The following WDR59 variants were observed in gnomAD, a reference collection of about 807,000 sequenced individuals.
WDR59 encodes the protein WD repeat domain 59, also known as GATOR2 complex protein WDR59.
Under a neutral mutation model 131.2 loss-of-function variants are expected in WDR59, and 100 were observed. The ratio of observed to expected loss-of-function variants is 0.76; its 90% CI spans 0.65 to 0.90. The LOEUF (loss-of-function observed/expected upper bound fraction) is 0.90. Ranked by LOEUF, WDR59 falls within the 40% of genes least tolerant of loss-of-function variation. WDR59 has a pLI of 0.00. For missense variants in WDR59, 1,203 were observed against 1,262.2 expected (o/e 0.95, Z 0.71); for synonymous variants, 601 against 466.2 (o/e 1.29, Z -3.72).
Position 74,874,305 on chromosome 16 carries a change from G to A in WDR59, c.2829C>T (p.His943=), listed in dbSNP as rs778469404. 3.1e-5 allele frequency: 50 copies of A among 1,613,974 alleles called. No individual in the cohort carries two copies. Among genetic ancestry groups the A allele is most frequent in the African/African-American group, 5.3e-5 (4 of 74,940 alleles). Residue 943 remains histidine, a synonymous_variant, in exon 26 of 26, where the codon CAC becomes CAT. Coordinates refer to ENST00000262144, the MANE Select transcript of WDR59 (RefSeq NM_030581.4). ...GSSNFCLTCG[H]GGHTSHMMEW... ...CCATCATGTGGCTGGTGTGGCCACC[G>A]TGCCCACAGGTCAGGCAGAAATTGG...
At chr16:74,921,841 C>T in intron 10 of WDR59, 106 bp downstream of exon 10, 1 of 1,406,612 alleles carries the variant, frequency 7.1e-7, no homozygotes. Flanking sequence ...GTTCCTAAAG[C>T]CCAGCTCTCT....
intron 25 of WDR59, among the ~76,000 whole-genome samples, chr16:74,879,121 G>A (rs557960243): frequency 6.6e-6 from 1 of 152,232 alleles, no homozygotes; most frequent in Non-Finnish European, 1.5e-5. Flanking sequence ...GTGAGGCCGA[G>A]GTGGGGGTAT....
Position 74,981,635 on chromosome 16 carries a change from TATATATATATATA to T in WDR59, c.54+3316_54+3328del, listed in dbSNP as rs2034416463. ...TTACATATATATATATATATATATA[TATATATATATATA>T]TATATATATATATTTTTTTTTTTTT... On this transcript the variant is annotated intron_variant, in intron 1 of 25. Coordinates refer to ENST00000262144, the MANE Select transcript of WDR59 (RefSeq NM_030581.4). 6.7e-3 allele frequency among the ~76,000 whole-genome samples: 172 copies of T among 25,750 alleles called. 8 individuals are homozygous for T. Among genetic ancestry groups the T allele is most frequent in the African/African-American group, 0.026 (161 of 6,232 alleles). The allele number at this position is 25,750 out of a possible 152,430, so 16.9% of individuals were successfully genotyped here.
At chr16:74,928,766 G>C (rs116010716) in intron 8 of WDR59, among the ~76,000 whole-genome samples, 1 of 151,936 alleles carries the variant, frequency 6.6e-6, no homozygotes. Flanking sequence ...AAAATAATCC[G>C]GGTGTGGTGG....
rs772568963 is a variant in WDR59, at chr16:74,948,532, T to G, written c.432A>C (p.Ala144=). The change falls in exon 6 of 26, where the codon GCA becomes GCC. Residue 144 remains alanine, a synonymous_variant. Coordinates refer to ENST00000262144, the MANE Select transcript of WDR59 (RefSeq NM_030581.4). ...DIKDTRKPTV[A]LSAVAGASQV... ...GCATACACTCACCAACAGCAGACAG[T>G]GCAACAGTAGGTTTCCTTGTGTCTC... The G allele has an allele frequency of 6.2e-7, 1 of 1,613,832 alleles. No individual in the cohort carries two copies. The highest frequency in any genetic ancestry group is 8.5e-7 in the Non-Finnish European group (1 of 1,179,840).
chr16:74,945,209 G>T (rs894282019), intron 6 of WDR59, among the ~76,000 whole-genome samples: 6 of 152,134 alleles, frequency 3.9e-5, no homozygotes, highest in African/African-American at 1.4e-4. Context: ...GGGCGAAGAG[G>T]CTCACGCCTG....
intron 21 of WDR59, among the ~76,000 whole-genome samples, chr16:74,888,705 G>A (rs896029928): frequency 6.6e-6 from 1 of 152,062 alleles, no homozygotes; most frequent in Non-Finnish European, 1.5e-5. Flanking sequence ...GCTTTTGGGG[G>A]ATTCCCACAC....
chr16:74,878,736 T>C (rs72796687), intron 25 of WDR59, among the ~76,000 whole-genome samples: 10,313 of 152,242 alleles, frequency 0.068, 397 homozygotes, highest in South Asian at 0.092. Flanking sequence ...TTTTACGGGA[T>C]GAATTAAAAG....
At chr16:74,897,865 G>C (rs1052913226) in intron 18 of WDR59, among the ~76,000 whole-genome samples, 6 of 152,116 alleles carry the variant, frequency 3.9e-5, no homozygotes, top group Admixed American at 3.3e-4. Flanking sequence ...TCCCCTTCAG[G>C]CTTCAGGGGT....
chr16:74,873,696 C>T lies in WDR59; in HGVS notation c.*513G>A. 6.6e-6 allele frequency: 1 copy of T among 152,206 alleles called. No individual in the cohort carries two copies. The highest frequency in any genetic ancestry group is 2.1e-4 in the South Asian group (1 of 4,820). The allele number at this position is 152,206 out of a possible 1,614,324, so 9.4% of individuals were successfully genotyped here. A position where few individuals can be genotyped will look rare whatever the true frequency, so the allele number is the denominator to read the frequency against. On this transcript the variant is annotated 3_prime_UTR_variant, in exon 26 of 26. Coordinates refer to ENST00000262144, the MANE Select transcript of WDR59 (RefSeq NM_030581.4). ...AATCCTTAAGTACAGTGCATATTTA[C>T]AATTTAAGTGTCATATTTTAGAAGG...
In WDR59 at chr16:74,885,742, C is replaced by T; in HGVS notation, c.2600G>A (p.Gly867Glu). ...QQFDDFKKCY[G>E]EILYRWGLRE... ...CAGACCCCAACGGTAGAGGATTTCCCCATAGCATTTCTTAAAGTCATCAAA... is the reference window on the plus strand; with the variant it reads ...CAGACCCCAACGGTAGAGGATTTCCTCATAGCATTTCTTAAAGTCATCAAA... Residue 867 changes from glycine to glutamate, a missense_variant, in exon 25 of 26, where the codon GGG becomes GAG. Transcript: ENST00000262144. 6.2e-7 allele frequency: 1 copy of T among 1,614,110 alleles called. No individual in the cohort carries two copies. The highest frequency in any genetic ancestry group is 8.5e-7 in the Non-Finnish European group (1 of 1,180,022).
chr16:74,930,878 G>A (rs573116529), intron 8 of WDR59: 13 of 108,694 alleles, frequency 1.2e-4, no homozygotes, highest in Admixed American at 9.4e-4. Flanking sequence ...GGATGACAGA[G>A]AGAGACTCCA....
intron 8 of WDR59, among the ~76,000 whole-genome samples, chr16:74,933,206 T>C (rs1185870324): frequency 4.6e-5 from 7 of 152,116 alleles, no homozygotes; most frequent in Non-Finnish European, 8.8e-5. Flanking sequence ...GAGGCTGAGG[T>C]GGGAGGATCA....
At chr16:74,928,029 T>G (rs1318873760) in intron 8 of WDR59, among the ~76,000 whole-genome samples, 2 of 148,478 alleles carry the variant, frequency 1.3e-5, no homozygotes, top group Admixed American at 1.4e-4. Context: ...TGCCTCAGCC[T>G]CCCGAGTAGC....
In WDR59 at chr16:74,908,989, G is replaced by C. The variant is rs200765307; in HGVS notation, c.1643-12C>G. ...ATATACCAGGTAACCTAAAGGAGGA[G>C]ACATCACATGAGCCATCAGTGTCAA... On this transcript the variant is annotated splice_polypyrimidine_tract_variant and intron_variant, in intron 16 of 25. Transcript: ENST00000262144. The C allele has an allele frequency of 2.4e-4, 394 of 1,611,664 alleles. No homozygotes were observed. Among genetic ancestry groups the C allele is most frequent in the Non-Finnish European group, 3.2e-4 (372 of 1,178,846 alleles).
chr16:74,879,993 A>G (rs755958015), intron 25 of WDR59, among the ~76,000 whole-genome samples: 1 of 151,912 alleles, frequency 6.6e-6, no homozygotes, highest in Non-Finnish European at 1.5e-5. Context: ...TGAGACCACA[A>G]TGGACAACAA....
intron 8 of WDR59, among the ~76,000 whole-genome samples, chr16:74,927,662 T>C (rs1597730628): frequency 7.1e-6 from 1 of 140,624 alleles, no homozygotes; most frequent in East Asian, 2.0e-4. Flanking sequence ...TCTGATGTTT[T>C]AGATTTGCTG....
At chr16:74,888,064 G>C in intron 22 of WDR59, 105 bp downstream of exon 22, 1 of 1,385,566 alleles carries the variant, frequency 7.2e-7, no homozygotes, top group Non-Finnish European at 9.6e-7. Flanking sequence ...GTTGCAGTGA[G>C]CTGAGATCAT....
At chr16:74,971,250 A>G (rs1333046633) in intron 1 of WDR59, among the ~76,000 whole-genome samples, 3 of 152,100 alleles carry the variant, frequency 2.0e-5, no homozygotes, top group African/African-American at 7.2e-5. Context: ...CTCCTAGGAC[A>G]ATAAACTTCA....
Sources: allele counts gnomAD v4.1 joint callset (sites outside exome capture counted in the v4.1 genomes callset), GRCh38; gene constraint gnomAD v4.1.1; transcripts MANE v1.5; gene names NCBI Gene and HGNC (gene_info 2026-07-23, HGNC 2026-07-21).